ITPR2: variants seen among roughly 807,000 people sequenced by gnomAD.
ITPR2 encodes inositol 1,4,5-trisphosphate receptor type 2, also known as inositol 1,4,5-trisphosphate-gated calcium channel ITPR2.
A neutral mutation model predicts 317.1 loss-of-function variants in ITPR2; 207 were observed. The observed-to-expected ratio is 0.65, with a 90% CI of 0.58 to 0.73. The LOEUF is 0.73. Ranked by LOEUF, ITPR2 falls within the 30% of genes least tolerant of loss-of-function variation. ITPR2 has a pLI of 0.00. For synonymous variants in ITPR2, 1,156 were observed against 1,149.1 expected, an observed-to-expected ratio of 1.01 and a Z score of -0.12; for missense variants, 2,613 against 3,284.0, an observed-to-expected ratio of 0.80 and a Z score of 4.99.
intron 45 of ITPR2, among the ~76,000 whole-genome samples, chr12:26,444,889 T>C (rs906014654): frequency 6.6e-6 from 1 of 152,194 alleles, no homozygotes. Context: ...TCTGGGTCAC[T>C]AATCAATCAC....
At chr12:26,659,383 A>G (rs1947446419) in intron 15 of ITPR2, 98 bp from the exon 16 acceptor site, 1 of 1,044,788 alleles carries the variant, frequency 9.6e-7, no homozygotes. Context: ...TTCACAACAG[A>G]AGGTTCACTA....
intron 48 of ITPR2, among the ~76,000 whole-genome samples, chr12:26,434,798 A>G (rs1565524689): frequency 6.6e-6 from 1 of 152,166 alleles, no homozygotes; most frequent in East Asian, 1.9e-4. Context: ...TATGCTTCTA[A>G]TAACTGGGAC....
chr12:26,346,714 C>T (rs781359206), intron 55 of ITPR2, among the ~76,000 whole-genome samples: 2 of 151,434 alleles, frequency 1.3e-5, no homozygotes, highest in South Asian at 2.1e-4. Context: ...GGGAGTATAA[C>T]GGAAAGAGCA....
intron 13 of ITPR2, among the ~76,000 whole-genome samples, chr12:26,669,738 T>C (rs529756460): frequency 3.3e-5 from 5 of 152,236 alleles, no homozygotes; most frequent in Non-Finnish European, 7.4e-5. Flanking sequence ...GCCGAAGCAG[T>C]GCGAGGCATT....
chr12:26,597,617 G>T (rs954775342), intron 30 of ITPR2, among the ~76,000 whole-genome samples: 2 of 152,016 alleles, frequency 1.3e-5, no homozygotes, highest in African/African-American at 4.8e-5. Context: ...TCATAAGAAG[G>T]CATCAGCAGA....
In ITPR2 at chr12:26,340,105, C is replaced by T. The variant is rs931901127; in HGVS notation, c.8019+62G>A. ...CCTGGCTCCCTGGACCCTCTGTCTC[C>T]CCTCACCGGAAGTGGTGAATGACTT... is the stretch of plus-strand genomic sequence containing the variant. On this transcript the variant is annotated intron_variant, in intron 56 of 56. Coordinates refer to ENST00000381340, the MANE Select transcript of ITPR2 (RefSeq NM_002223.4). 12 of 1,466,658 alleles carry T rather than the reference C, an allele frequency of 8.2e-6. No individual in the cohort carries two copies. The African/African-American group carries it at 1.3e-4, about 16-fold the overall frequency. The allele number at this position is 1,466,658 out of a possible 1,614,324, so 90.9% of individuals were successfully genotyped here.
At chr12:26,434,884 G>A (rs1177508772) in intron 48 of ITPR2, among the ~76,000 whole-genome samples, 1 of 152,272 alleles carries the variant, frequency 6.6e-6, no homozygotes, top group East Asian at 1.9e-4. Context: ...CCTCCCAAGA[G>A]TTATATTCCT....
intron 1 of ITPR2, among the ~76,000 whole-genome samples, chr12:26,805,684 G>A (rs1220919893): frequency 2.8e-5 from 1 of 35,436 alleles, no homozygotes; most frequent in Non-Finnish European, 6.9e-5. Flanking sequence ...TACATAGCAC[G>A]CTAAGGGATA....
chr12:26,571,181 G>C (rs933145610), intron 34 of ITPR2, among the ~76,000 whole-genome samples: 1 of 152,154 alleles, frequency 6.6e-6, no homozygotes, highest in Non-Finnish European at 1.5e-5. Context: ...GCCTTTAAAA[G>C]TTTAAAACAT....
At chr12:26,460,421 C>T (rs550914702) in intron 45 of ITPR2, among the ~76,000 whole-genome samples, 1 of 152,212 alleles carries the variant, frequency 6.6e-6, no homozygotes, top group East Asian at 1.9e-4. Flanking sequence ...GTATAAGTGG[C>T]AGAGGTTAAT....
At position 26,339,401 on chromosome 12, in the gene ITPR2, T is replaced by C. The variant is rs769577594; in HGVS notation, c.8102A>G (p.His2701Arg). 3 of 1,612,554 alleles carry C rather than the reference T, an allele frequency of 1.9e-6. No individual in the cohort carries two copies. Among genetic ancestry groups the C allele is most frequent in the East Asian group, 2.2e-5 (1 of 44,844 alleles). The change falls in exon 57 of 57, where the codon CAC (histidine) becomes CGC (arginine). Residue 2701 changes from histidine to arginine, a missense_variant. Around this residue, in one of 9 missense-constraint regions of ITPR2, gnomAD observed 119 missense variants for 144.3 expected, o/e 0.82. Coordinates refer to ENST00000381340, the MANE Select transcript of ITPR2 (RefSeq NM_002223.4). The stretch of plus-strand genomic sequence containing the variant: ...TCACGGCTTCCCCCCATGGTATCAG[T>C]GTGGTGGCATGTGATGATTCACATG... ...TPHVNHHMPP[H>R]
Position 26,356,501 on chromosome 12 carries a change from T to C in ITPR2, c.7858-16173A>G, listed in dbSNP as rs553903414. On this transcript the variant is annotated intron_variant, in intron 55 of 56. Transcript: ENST00000381340. ...AATAATGGCTCTGTCTGATCATAAT[T>C]ATAAGATGCGTAGACACAAAAGGCA... 2.3e-3 allele frequency among the ~76,000 whole-genome samples: 350 copies of C among 152,312 alleles called. 2 individuals are homozygous for C. The highest frequency in any genetic ancestry group is 7.9e-3 in the African/African-American group (329 of 41,570).
At chr12:26,465,732 T>C (rs1942155559) in intron 45 of ITPR2, among the ~76,000 whole-genome samples, 1 of 152,264 alleles carries the variant, frequency 6.6e-6, no homozygotes, top group East Asian at 1.9e-4. Flanking sequence ...TGGTTGTTTT[T>C]GTGTCTCCCT....
At chr12:26,518,037 T>A (rs1943571692) in intron 37 of ITPR2, among the ~76,000 whole-genome samples, 1 of 152,212 alleles carries the variant, frequency 6.6e-6, no homozygotes, top group East Asian at 1.9e-4. Flanking sequence ...CCCAAAGGAA[T>A]ATAAATTATT....
rs1188253186 is a variant in ITPR2 at position 26,617,641 on chromosome 12, A to C, written c.3462+3482T>G. On this transcript the variant is annotated intron_variant, in intron 26 of 56. Coordinates refer to ENST00000381340, the MANE Select transcript of ITPR2 (RefSeq NM_002223.4). ...AGAAAAGAAGAAAAGGAAAGAAAAA[A>C]GAAAAGAAAGGAGGGACGGAGGGAG... is the stretch of plus-strand genomic sequence containing the variant. Among the ~76,000 whole-genome samples the C allele has an allele frequency of 1.2e-4, 18 of 150,518 alleles. 1 individual carries two copies. Among genetic ancestry groups the C allele is most frequent in the Admixed American group, 1.2e-3 (18 of 15,082 alleles).
intron 37 of ITPR2, among the ~76,000 whole-genome samples, chr12:26,528,301 C>T (rs186915831): frequency 9.2e-5 from 14 of 152,206 alleles, no homozygotes; most frequent in Non-Finnish European, 1.8e-4. Context: ...ACAAACTGTT[C>T]GAAATAGAAC....
intron 37 of ITPR2, among the ~76,000 whole-genome samples, chr12:26,526,868 C>T (rs964460631): frequency 2.0e-5 from 3 of 152,086 alleles, no homozygotes; most frequent in Non-Finnish European, 4.4e-5. Flanking sequence ...AGAATGACAC[C>T]TAAAATTTTG....
At chr12:26,408,690 T>C (rs1389210489) in intron 52 of ITPR2, among the ~76,000 whole-genome samples, 1 of 152,170 alleles carries the variant, frequency 6.6e-6, no homozygotes, top group East Asian at 1.9e-4. Flanking sequence ...GAACAACAAG[T>C]ACTAGCTTTG....
intron 55 of ITPR2, among the ~76,000 whole-genome samples, chr12:26,365,932 T>C (rs1938994194): frequency 6.6e-6 from 1 of 152,232 alleles, no homozygotes; most frequent in South Asian, 2.1e-4. Context: ...CCATGAAAAC[T>C]ATAAATTATT....
Sources: gnomAD v4.1 joint callset for allele counts (sites outside exome capture counted in the v4.1 genomes callset) on GRCh38, gnomAD v4.1.1 for gene constraint, gnomAD v4.1.1 regional missense constraint, MANE v1.5 for transcripts, NCBI Gene and HGNC (gene_info 2026-07-23, HGNC 2026-07-21) for gene names.